The following EXOC6B variants were observed in gnomAD, a reference collection of about 807,000 sequenced individuals.
EXOC6B encodes exocyst complex component 6B.
Under a neutral mutation model 113.5 loss-of-function variants are expected in EXOC6B, and 54 were observed. The ratio of observed to expected loss-of-function variants is 0.48; its 90% CI spans 0.38 to 0.60. The LOEUF is 0.60. Ranked by LOEUF, EXOC6B falls within the 20% of genes least tolerant of loss-of-function variation. The pLI is 0.00. For missense variants in EXOC6B, 797 were observed against 977.5 expected (o/e 0.82, Z 2.46); for synonymous variants, 357 against 339.0 (o/e 1.05, Z -0.58).
intron 18 of EXOC6B, among the ~76,000 whole-genome samples, chr2:72,414,532 A>C (rs1431757639): frequency 5.3e-5 from 8 of 152,274 alleles, no homozygotes; most frequent in Non-Finnish European, 2.9e-5. Context: ...TGCCAATTCC[A>C]CATAACAGGG....
intron 20 of EXOC6B, among the ~76,000 whole-genome samples, chr2:72,234,306 A>G (rs1573052677): frequency 6.6e-6 from 1 of 151,856 alleles, no homozygotes; most frequent in East Asian, 1.9e-4. Flanking sequence ...GCTGGTCTTG[A>G]ACTCCTGACC....
chr2:72,555,689 C>G (rs1703498809), intron 8 of EXOC6B, among the ~76,000 whole-genome samples: 1 of 152,252 alleles, frequency 6.6e-6, no homozygotes, highest in Admixed American at 6.5e-5. Context: ...CTTTGTTGCC[C>G]AGGCTGGAGT....
intron 6 of EXOC6B, among the ~76,000 whole-genome samples, chr2:72,671,779 G>GAAAGAAAGAAAGAA (rs1553464024): frequency 2.7e-4 from 28 of 103,490 alleles, no homozygotes; most frequent in African/African-American, 1.1e-3. Context: ...AAGAAAGAAA[G>GAAAGAAAGAAAGAA]AAAGAAAGAA....
intron 19 of EXOC6B, among the ~76,000 whole-genome samples, chr2:72,369,031 A>T (rs1482131948): frequency 6.6e-6 from 1 of 152,138 alleles, no homozygotes; most frequent in Non-Finnish European, 1.5e-5. Context: ...TAGGCAGGAG[A>T]ATGAATTAAA....
intron 1 of EXOC6B, among the ~76,000 whole-genome samples, chr2:72,802,482 TTG>T (rs1685341418): frequency 6.6e-6 from 1 of 152,162 alleles, no homozygotes. Context: ...CAAGTATAAA[TTG>T]AACCATTTTA....
intron 8 of EXOC6B, among the ~76,000 whole-genome samples, chr2:72,531,775 G>C (rs889026142): frequency 3.2e-4 from 49 of 152,234 alleles, no homozygotes; most frequent in Non-Finnish European, 5.7e-4. Context: ...CACGAGGTCA[G>C]GAGTTCAAGA....
At chr2:72,548,966 C>G (rs1179986235) in intron 8 of EXOC6B, among the ~76,000 whole-genome samples, 3 of 151,822 alleles carry the variant, frequency 2.0e-5, no homozygotes, top group Admixed American at 6.6e-5. Context: ...GAGCCAAGAT[C>G]GCGCCACTGC....
chr2:72,553,300 T>C (rs543970636), intron 8 of EXOC6B, among the ~76,000 whole-genome samples: 2 of 152,200 alleles, frequency 1.3e-5, no homozygotes, highest in African/African-American at 2.4e-5. Flanking sequence ...GGGGGAAAGC[T>C]CAATTAAATA....
chr2:72,391,644 C>T (rs1235548138), intron 18 of EXOC6B, among the ~76,000 whole-genome samples: 1 of 152,174 alleles, frequency 6.6e-6, no homozygotes, highest in Non-Finnish European at 1.5e-5. Flanking sequence ...TTGTATCATT[C>T]TCTTTCTCTC....
intron 20 of EXOC6B, among the ~76,000 whole-genome samples, chr2:72,217,840 C>T (rs1162843413): frequency 6.6e-6 from 1 of 152,084 alleles, no homozygotes; most frequent in Non-Finnish European, 1.5e-5. Flanking sequence ...TTCTTTATGC[C>T]TCAACTTGGA....
chr2:72,565,210 G>A (rs1478483875), intron 7 of EXOC6B, among the ~76,000 whole-genome samples: 1 of 152,036 alleles, frequency 6.6e-6, no homozygotes, highest in Non-Finnish European at 1.5e-5. Context: ...ACTTAGCCAG[G>A]TGTGATGGCA....
At chr2:72,402,376 G>C (rs1017438796) in intron 18 of EXOC6B, among the ~76,000 whole-genome samples, 1 of 152,042 alleles carries the variant, frequency 6.6e-6, no homozygotes, top group Non-Finnish European at 1.5e-5. Context: ...AATAAAATGA[G>C]GAATTGTAAC....
At chr2:72,751,524 G>C (rs1682042509) in intron 1 of EXOC6B, among the ~76,000 whole-genome samples, 1 of 152,056 alleles carries the variant, frequency 6.6e-6, no homozygotes, top group Admixed American at 6.6e-5. Context: ...ACTCTGGAAT[G>C]CCCTTGACCG....
chr2:72,572,389 T>G (rs553155873), intron 7 of EXOC6B, among the ~76,000 whole-genome samples: 57 of 152,320 alleles, frequency 3.7e-4, no homozygotes, highest in Middle Eastern at 3.4e-3. Context: ...GAAACATTGT[T>G]GGACAAAACA....
At chr2:72,661,799 G>C (rs956461000) in intron 6 of EXOC6B, among the ~76,000 whole-genome samples, 2 of 151,958 alleles carry the variant, frequency 1.3e-5, no homozygotes, top group African/African-American at 4.8e-5. Flanking sequence ...TAAATTTTAA[G>C]ATTTATTTTA....
chr2:72,276,075 G>C (rs904926340), intron 20 of EXOC6B, among the ~76,000 whole-genome samples: 3 of 152,128 alleles, frequency 2.0e-5, no homozygotes, highest in African/African-American at 7.2e-5. Flanking sequence ...GGTGGAAAAG[G>C]GAAGGAGAGA....
In EXOC6B at chr2:72,496,277, C is replaced by A. The variant is rs1288283781; in HGVS notation, c.1443+177G>T. Among the ~76,000 whole-genome samples the A allele has an allele frequency of 2.0e-5, 3 of 152,012 alleles. No homozygotes were observed. In the East Asian group the frequency reaches 5.8e-4, roughly 29 times the overall value. ...CTGGTCTTCCCCAAAAAGAATCCTT[C>A]ATCGTCAGAAAGGTGATTAAAGTGA... On this transcript the variant is annotated intron_variant, in intron 14 of 21. Coordinates refer to ENST00000272427, the MANE Select transcript of EXOC6B (RefSeq NM_015189.3).
intron 18 of EXOC6B, among the ~76,000 whole-genome samples, chr2:72,388,903 T>A (rs1335721913): frequency 6.6e-6 from 1 of 152,146 alleles, no homozygotes; most frequent in East Asian, 1.9e-4. Context: ...GCATGGTATA[T>A]CTTATTCCTT....
At chr2:72,642,181 A>G (rs1163243235) in intron 6 of EXOC6B, among the ~76,000 whole-genome samples, 1 of 151,996 alleles carries the variant, frequency 6.6e-6, no homozygotes, top group Non-Finnish European at 1.5e-5. Context: ...GAAAATGGCC[A>G]TACTGCCCAA....
Sources: allele counts gnomAD v4.1 joint callset (sites outside exome capture counted in the v4.1 genomes callset), GRCh38; gene constraint gnomAD v4.1.1; transcripts MANE v1.5; gene names NCBI Gene and HGNC (gene_info 2026-07-23, HGNC 2026-07-21).